The following MGAT4C variants were observed in gnomAD, a reference collection of about 807,000 sequenced individuals.
MGAT4C encodes alpha-1,3-mannosyl-glycoprotein 4-beta-N-acetylglucosaminyltransferase C.
Under a neutral mutation model 40.1 loss-of-function variants are expected in MGAT4C, and 19 were observed. The observed-to-expected ratio is 0.47, with a 90% confidence interval of 0.33 to 0.70. The LOEUF (loss-of-function observed/expected upper bound fraction) is 0.70. Among genes scored for constraint, MGAT4C ranks in the 30% least tolerant of loss-of-function variants. The pLI, the probability that MGAT4C is intolerant of heterozygous loss-of-function variation, is 0.02. For synonymous variants in MGAT4C, 181 were observed against 187.1 expected, an observed-to-expected ratio of 0.97 and a Z score of 0.27; for missense variants, 491 against 563.2, an observed-to-expected ratio of 0.87 and a Z score of 1.30.
rs910414035 is a variant in MGAT4C, at chr12:85,966,888, C to A, written c.*12401G>T. On this transcript the variant is annotated 3_prime_UTR_variant, in exon 5 of 5. Transcript: ENST00000611864. ...AGGAAGGGGAACATCACACACTGGG[C>A]CTGTTGTGGGGTCAGGGGAGGGGGG... The A allele has an allele frequency of 6.9e-6, 1 of 143,926 alleles. No individual in the cohort carries two copies. Among genetic ancestry groups the A allele is most frequent in the African/African-American group, 2.6e-5 (1 of 38,448 alleles). 8.9% of individuals were successfully genotyped at this position (143,926 alleles called of 1,614,324 possible).
intron 1 of MGAT4C, among the ~76,000 whole-genome samples, chr12:86,774,411 C>CTT: frequency 6.7e-6 from 1 of 149,086 alleles, no homozygotes; most frequent in Non-Finnish European, 1.5e-5. Flanking sequence ...CTCTCTCTCT[C>CTT]TCTCTCTCTC....
intron 1 of MGAT4C, among the ~76,000 whole-genome samples, chr12:86,188,995 A>G (rs1258028316): frequency 2.0e-5 from 3 of 151,920 alleles, no homozygotes; most frequent in Non-Finnish European, 2.9e-5. Context: ...AGGTTTTGCT[A>G]TGTTTTATGT....
intron 4 of MGAT4C, among the ~76,000 whole-genome samples, chr12:86,301,667 T>C (rs146154952): frequency 6.6e-6 from 1 of 152,334 alleles, no homozygotes; most frequent in African/African-American, 2.4e-5. Flanking sequence ...GTGTGATATA[T>C]GTCAGGATGA....
At chr12:86,243,979 C>A (rs1286772196) in intron 1 of MGAT4C, among the ~76,000 whole-genome samples, 1 of 152,168 alleles carries the variant, frequency 6.6e-6, no homozygotes, top group East Asian at 1.9e-4. Flanking sequence ...TGGCCATATT[C>A]AGCCTGCCCC....
intron 3 of MGAT4C, among the ~76,000 whole-genome samples, chr12:86,362,118 A>G (rs1264480364): frequency 1.3e-5 from 2 of 152,248 alleles, no homozygotes; most frequent in Non-Finnish European, 2.9e-5. Context: ...TGGATTAAGA[A>G]AATGTAGCAC....
chr12:86,191,632 AACACACACACACACACACACACAC>A (rs61626246), intron 1 of MGAT4C, among the ~76,000 whole-genome samples: 1 of 121,920 alleles, frequency 8.2e-6, no homozygotes, highest in Non-Finnish European at 1.8e-5. Flanking sequence ...CAAAAAACAA[AACACACACACACACACACACACAC>A]ACACACACAC....
At chr12:86,837,384 T>C (rs891588136) in intron 1 of MGAT4C, among the ~76,000 whole-genome samples, 3 of 152,136 alleles carry the variant, frequency 2.0e-5, no homozygotes, top group African/African-American at 7.2e-5. Context: ...TTTGGGTGAC[T>C]CAATCCTTCC....
intron 2 of MGAT4C, among the ~76,000 whole-genome samples, chr12:86,004,122 T>A (rs1232314408): frequency 6.6e-6 from 1 of 152,168 alleles, no homozygotes; most frequent in Non-Finnish European, 1.5e-5. Context: ...GTCAAAAAAT[T>A]TGTTCTTTCA....
At chr12:86,262,889 C>T (rs56170210) in intron 4 of MGAT4C, among the ~76,000 whole-genome samples, 10,739 of 151,800 alleles carry the variant, frequency 0.071, 918 homozygotes, top group East Asian at 0.25. Context: ...AATTTTTGAC[C>T]GACTGGATTT....
intron 2 of MGAT4C, among the ~76,000 whole-genome samples, chr12:86,449,185 C>A (rs1957385808): frequency 6.6e-6 from 1 of 152,056 alleles, no homozygotes; most frequent in Non-Finnish European, 1.5e-5. Context: ...AACATACAAT[C>A]AATAATTTTC....
intron 2 of MGAT4C, among the ~76,000 whole-genome samples, chr12:86,660,501 G>A (rs1749646903): frequency 6.6e-6 from 1 of 152,130 alleles, no homozygotes; most frequent in Non-Finnish European, 1.5e-5. Flanking sequence ...TGAATATAAA[G>A]ATCTGGAGTT....
chr12:86,422,018 G>T (rs1017189546), intron 3 of MGAT4C, among the ~76,000 whole-genome samples: 4 of 152,092 alleles, frequency 2.6e-5, no homozygotes, highest in Non-Finnish European at 5.9e-5. Context: ...CTTACTAGTG[G>T]TTTGTTACAA....
Position 86,623,471 on chromosome 12 carries a change from A to G in MGAT4C, c.-229+103738T>C, listed in dbSNP as rs569559581. Among the ~76,000 whole-genome samples the G allele has an allele frequency of 1.6e-3, 245 of 152,306 alleles. 2 individuals carry two copies. The highest frequency in any genetic ancestry group is 3.1e-3 in the Non-Finnish European group (212 of 68,004). On this transcript the variant is annotated intron_variant, in intron 2 of 7. Transcript: ENST00000548651. The stretch of plus-strand genomic sequence containing the variant: ...TTTTAAAATGTATCAATGAACAAAG[A>G]TATAAATGACAGCAGACTTCTTGAT...
At chr12:86,783,062 A>T (rs1376186402) in intron 1 of MGAT4C, among the ~76,000 whole-genome samples, 3 of 152,182 alleles carry the variant, frequency 2.0e-5, no homozygotes, top group Non-Finnish European at 4.4e-5. Flanking sequence ...CACCCTGTAA[A>T]GACATCAGTT....
intron 3 of MGAT4C, among the ~76,000 whole-genome samples, chr12:86,360,199 G>A (rs1241594947): frequency 2.0e-5 from 3 of 152,100 alleles, no homozygotes; most frequent in Non-Finnish European, 2.9e-5. Flanking sequence ...ATCAATAAAT[G>A]TAATCCATCA....
At chr12:86,427,282 T>G (rs1956946446) in intron 3 of MGAT4C, among the ~76,000 whole-genome samples, 1 of 152,166 alleles carries the variant, frequency 6.6e-6, no homozygotes, top group African/African-American at 2.4e-5. Flanking sequence ...ATCCAATTAC[T>G]GGAGAGGTAG....
chr12:86,041,883 G>A (rs933809712), intron 2 of MGAT4C, among the ~76,000 whole-genome samples: 6 of 152,048 alleles, frequency 3.9e-5, no homozygotes, highest in African/African-American at 9.7e-5. Context: ...TTTCTGCTTC[G>A]ATGATCTCCC....
intron 2 of MGAT4C, among the ~76,000 whole-genome samples, chr12:86,707,103 C>T (rs545379591): frequency 8.7e-4 from 132 of 152,176 alleles, no homozygotes; most frequent in African/African-American, 2.9e-3. Context: ...TGTAAATTGC[C>T]CAGTCTTGGG....
chr12:86,008,485 C>T (rs190461592), intron 2 of MGAT4C, among the ~76,000 whole-genome samples: 1 of 151,942 alleles, frequency 6.6e-6, no homozygotes, highest in Non-Finnish European at 1.5e-5. Context: ...TATATTGATG[C>T]CTTGGATCCT....
Sources: allele counts gnomAD v4.1 joint callset (sites outside exome capture counted in the v4.1 genomes callset), GRCh38; gene constraint gnomAD v4.1.1; transcripts MANE v1.5; gene names NCBI Gene and HGNC (gene_info 2026-07-23, HGNC 2026-07-21).